SGCZ: variants seen among roughly 807,000 people sequenced by gnomAD.
SGCZ encodes zeta-sarcoglycan.
SGCZ carries 40 observed loss-of-function variants against 41.3 expected under a neutral mutation model. The ratio of observed to expected loss-of-function variants is 0.97; its 90% CI spans 0.75 to 1.26. The LOEUF (loss-of-function observed/expected upper bound fraction) is 1.26. SGCZ is among the 50% of genes most tolerant of loss of function. The probability of loss-of-function intolerance (pLI) is 0.00; values close to 1 mark genes in which losing one functional copy is unlikely to be tolerated. For synonymous variants in SGCZ, 206 were observed against 137.5 expected, an observed-to-expected ratio of 1.50 and a Z score of -3.49; for missense variants, 552 against 369.8, an observed-to-expected ratio of 1.49 and a Z score of -4.04.
At chr8:14,390,586 A>C (rs1223683970) in intron 2 of SGCZ, among the ~76,000 whole-genome samples, 3 of 151,982 alleles carry the variant, frequency 2.0e-5, no homozygotes, top group African/African-American at 7.2e-5. Context: ...TAAAAACAAT[A>C]GATCATGGTA....
At chr8:15,113,431 T>A (rs1274123972) in intron 1 of SGCZ, among the ~76,000 whole-genome samples, 1 of 152,150 alleles carries the variant, frequency 6.6e-6, no homozygotes, top group Non-Finnish European at 1.5e-5. Context: ...TGATATCAAC[T>A]GCTCTGCCTT....
At chr8:14,093,067 T>G (rs1412619834) in intron 7 of SGCZ, among the ~76,000 whole-genome samples, 1 of 152,062 alleles carries the variant, frequency 6.6e-6, no homozygotes, top group Non-Finnish European at 1.5e-5. Flanking sequence ...AAACGGATCT[T>G]GAATTTGAGC....
chr8:14,921,925 C>T (rs573669290), intron 1 of SGCZ, among the ~76,000 whole-genome samples: 2 of 152,148 alleles, frequency 1.3e-5, no homozygotes, highest in African/African-American at 2.4e-5. Flanking sequence ...TACCAAGCAA[C>T]AGTAATCTAT....
chr8:14,682,920 C>T (rs374128778), intron 1 of SGCZ, among the ~76,000 whole-genome samples: 55 of 151,978 alleles, frequency 3.6e-4, no homozygotes, highest in African/African-American at 1.2e-3. Context: ...TGACATTTGC[C>T]GGCAGATGGT....
At chr8:14,157,363 T>A (rs767760116) in intron 5 of SGCZ, among the ~76,000 whole-genome samples, 1,515 of 124,866 alleles carry the variant, frequency 0.012, 18 homozygotes, top group African/African-American at 0.043. Flanking sequence ...TGTGTGTGTG[T>A]GAGTGTGTGT....
chr8:15,076,753 C>CTTTTTTT (rs566416257), intron 1 of SGCZ, among the ~76,000 whole-genome samples: 1 of 143,742 alleles, frequency 7.0e-6, no homozygotes, highest in African/African-American at 2.7e-5. Flanking sequence ...AAGTCTCTCT[C>CTTTTTTT]ATTTTTTTTT....
intron 2 of SGCZ, among the ~76,000 whole-genome samples, chr8:14,447,543 C>T (rs973324525): frequency 6.6e-6 from 1 of 152,070 alleles, no homozygotes; most frequent in African/African-American, 2.4e-5. Flanking sequence ...AGGAGACACC[C>T]TCAAAAGCAT....
intron 1 of SGCZ, among the ~76,000 whole-genome samples, chr8:14,948,986 G>T (rs1445700576): frequency 3.3e-5 from 5 of 151,654 alleles, no homozygotes; most frequent in Non-Finnish European, 7.4e-5. Flanking sequence ...TCCCCTGAGT[G>T]ATGGTAAGTA....
intron 3 of SGCZ, among the ~76,000 whole-genome samples, chr8:14,303,767 A>C (rs1294033244): frequency 6.6e-6 from 1 of 152,024 alleles, no homozygotes; most frequent in African/African-American, 2.4e-5. Context: ...ATCTACATAC[A>C]TATGTATATT....
intron 2 of SGCZ, among the ~76,000 whole-genome samples, chr8:14,513,797 C>T (rs941079823): frequency 2.0e-5 from 3 of 152,040 alleles, no homozygotes; most frequent in East Asian, 3.9e-4. Context: ...CCCAATATAT[C>T]GAAATGTATT....
chr8:15,074,938 T>C (rs1246122710), intron 1 of SGCZ, among the ~76,000 whole-genome samples: 1 of 152,170 alleles, frequency 6.6e-6, no homozygotes, highest in South Asian at 2.1e-4. Flanking sequence ...TACTGCTATA[T>C]CTCAGTATCC....
At chr8:14,512,025 T>C (rs928622540) in intron 2 of SGCZ, among the ~76,000 whole-genome samples, 4 of 152,172 alleles carry the variant, frequency 2.6e-5, no homozygotes, top group Non-Finnish European at 5.9e-5. Flanking sequence ...TAGGGCAACA[T>C]TCTTGGATGT....
At chr8:14,715,881 A>C (rs547969222) in intron 1 of SGCZ, among the ~76,000 whole-genome samples, 1 of 152,312 alleles carries the variant, frequency 6.6e-6, no homozygotes, top group Admixed American at 6.5e-5. Context: ...AGTTATCATC[A>C]GTAGGAGCTG....
intron 1 of SGCZ, among the ~76,000 whole-genome samples, chr8:15,208,902 TAGAG>T (rs35949197): frequency 0.043 from 6,373 of 149,950 alleles, 190 homozygotes; most frequent in Middle Eastern, 0.066. Context: ...TACATATATA[TAGAG>T]AGAGAGAGAG....
chr8:15,097,765 TTTATATATATATATAC>T (rs1563123715), intron 1 of SGCZ, among the ~76,000 whole-genome samples: 2,197 of 134,566 alleles, frequency 0.016, 124 homozygotes, highest in African/African-American at 0.057. Context: ...TATATATGTG[TTTATATATATATATAC>T]GTGTATATAT....
At chr8:14,933,471 G>T (rs1013735640) in intron 1 of SGCZ, among the ~76,000 whole-genome samples, 20 of 128,354 alleles carry the variant, frequency 1.6e-4, no homozygotes, top group Non-Finnish European at 2.5e-4. Flanking sequence ...TCGCTCTGTC[G>T]TCCAGGCTGG....
chr8:15,236,561 G>A (rs906348453), intron 1 of SGCZ, among the ~76,000 whole-genome samples: 3 of 152,204 alleles, frequency 2.0e-5, no homozygotes, highest in African/African-American at 4.8e-5. Flanking sequence ...TAAAAGAGGT[G>A]CTTCCAGTGT....
chr8:15,139,466 T>G (rs1323820377), intron 1 of SGCZ, among the ~76,000 whole-genome samples: 1 of 152,198 alleles, frequency 6.6e-6, no homozygotes, highest in Non-Finnish European at 1.5e-5. Context: ...ATATTAAAAG[T>G]ATCACTATTA....
At chr8:15,042,408 G>T (rs1804137171) in intron 1 of SGCZ, among the ~76,000 whole-genome samples, 1 of 152,102 alleles carries the variant, frequency 6.6e-6, no homozygotes, top group Admixed American at 6.6e-5. Flanking sequence ...CCACAATTTG[G>T]GGAGCTGCCA....
Sources: gnomAD v4.1 joint callset for allele counts (sites outside exome capture counted in the v4.1 genomes callset) on GRCh38, gnomAD v4.1.1 for gene constraint, MANE v1.5 for transcripts, NCBI Gene and HGNC (gene_info 2026-07-23, HGNC 2026-07-21) for gene names.